The following HMGA2 variants were observed in gnomAD, a reference collection of about 807,000 sequenced individuals.
HMGA2 encodes the protein high mobility group protein HMGI-C.
In HMGA2, 8 loss-of-function variants were observed where a neutral mutation model predicts 19.1. The ratio of observed to expected loss-of-function variants is 0.42; its 90% CI spans 0.25 to 0.76. HMGA2 has a LOEUF of 0.76. HMGA2 is among the 30% of genes least tolerant of loss of function. The pLI is 0.28. For missense variants in HMGA2, 109 were observed against 136.3 expected, an observed-to-expected ratio of 0.80 and a Z score of 1.00; for synonymous variants, 60 against 48.8, an observed-to-expected ratio of 1.23 and a Z score of -0.96.
intron 2 of HMGA2, among the ~76,000 whole-genome samples, chr12:65,837,080 A>T (rs1870764559): frequency 6.6e-6 from 1 of 152,192 alleles, no homozygotes; most frequent in African/African-American, 2.4e-5. Flanking sequence ...TCATCTACAA[A>T]ATAAGAGGAA....
intron 3 of HMGA2, among the ~76,000 whole-genome samples, chr12:65,863,212 A>G (rs750627422): frequency 6.6e-6 from 1 of 152,244 alleles, no homozygotes; most frequent in Admixed American, 6.5e-5. Flanking sequence ...TGGAAAAGTT[A>G]AGGTTTTGTT....
intron 3 of HMGA2, among the ~76,000 whole-genome samples, chr12:65,886,365 T>TG (rs1172532620): frequency 7.5e-6 from 1 of 133,276 alleles, no homozygotes; most frequent in African/African-American, 2.8e-5. Context: ...TTTTCTCTCT[T>TG]TTTTTTTTTT....
intron 2 of HMGA2, among the ~76,000 whole-genome samples, 179 bp from the exon 3 acceptor site, chr12:65,838,340 C>G (rs1231652512): frequency 6.8e-6 from 1 of 147,880 alleles, no homozygotes; most frequent in Admixed American, 6.8e-5. Context: ...AGAATCTACT[C>G]AGAAATGTGG....
At position 65,924,081 on chromosome 12, in the gene HMGA2, C is replaced by A. The variant is rs565770543; in HGVS notation, c.250-27302C>A. ...GTCATTCTCTGACCCACCCCCAGCCCACCTTGGGAAGGATACTATTTAATA... is the reference window on the plus strand; with the variant it reads ...GTCATTCTCTGACCCACCCCCAGCCAACCTTGGGAAGGATACTATTTAATA... On this transcript the variant is annotated intron_variant, in intron 3 of 4. Coordinates refer to ENST00000403681, the MANE Select transcript of HMGA2 (RefSeq NM_003483.6). Among the ~76,000 whole-genome samples, 5 of 152,194 alleles carry A rather than the reference C, an allele frequency of 3.3e-5. No individual in the cohort carries two copies. The East Asian group carries it at 9.7e-4, about 29-fold the overall frequency.
At chr12:65,880,181 A>C (rs1411722502) in intron 3 of HMGA2, among the ~76,000 whole-genome samples, 1 of 152,372 alleles carries the variant, frequency 6.6e-6, no homozygotes, top group East Asian at 1.9e-4. Flanking sequence ...TATTAGAAGC[A>C]AAGCATTTTT....
intron 3 of HMGA2, among the ~76,000 whole-genome samples, chr12:65,938,634 G>A (rs1032116434): frequency 6.6e-6 from 1 of 151,974 alleles, no homozygotes; most frequent in African/African-American, 2.4e-5. Flanking sequence ...GTTTTCCCAT[G>A]ACAACGTTTT....
rs1306074485 is a variant in HMGA2 at position 65,825,664 on chromosome 12, C to G, written c.111+283C>G. Among the ~76,000 whole-genome samples the G allele has an allele frequency of 6.6e-6, 1 of 152,026 alleles. No homozygotes were observed. The highest frequency in any genetic ancestry group is 1.5e-5 in the Non-Finnish European group (1 of 67,988). ...GTCCTCGGACTTTCGCTATTGTGCACGGCCCCGAGTGGCGCGGTGTCGCCC... is the reference window on the plus strand; with the variant it reads ...GTCCTCGGACTTTCGCTATTGTGCAGGGCCCCGAGTGGCGCGGTGTCGCCC... On this transcript the variant is annotated intron_variant, in intron 1 of 4. Transcript: ENST00000403681. The surrounding 1 kb of genome is among the most constrained non-coding windows in gnomAD (Gnocchi z 4.4).
At chr12:65,914,573 G>T in intron 3 of HMGA2, 1 of 209,412 alleles carries the variant, frequency 4.8e-6, no homozygotes, top group Non-Finnish European at 9.7e-6. Flanking sequence ...CAGCGCACCA[G>T]CACGGCACAT....
intron 3 of HMGA2, among the ~76,000 whole-genome samples, chr12:65,921,518 A>G (rs762868922): frequency 4.6e-5 from 7 of 152,224 alleles, no homozygotes; most frequent in Non-Finnish European, 8.8e-5. Flanking sequence ...AAGTGCTGGG[A>G]TTACAGGCGT....
intron 3 of HMGA2, among the ~76,000 whole-genome samples, chr12:65,840,781 A>G (rs1870962771): frequency 6.6e-6 from 1 of 152,210 alleles, no homozygotes; most frequent in South Asian, 2.1e-4. Flanking sequence ...TAGAAAATAG[A>G]TGAGTTCTTT....
intron 3 of HMGA2, among the ~76,000 whole-genome samples, chr12:65,841,102 G>C (rs1870976622): frequency 6.6e-6 from 1 of 152,112 alleles, no homozygotes; most frequent in African/African-American, 2.4e-5. Flanking sequence ...TCCTTAAACA[G>C]TTGATGATTC....
At chr12:65,954,755 T>C (rs1006869077) in intron 4 of HMGA2, 7 of 151,872 alleles carry the variant, frequency 4.6e-5, no homozygotes, top group Non-Finnish European at 1.0e-4. Context: ...AATGGGAGAG[T>C]TAATAGTCTC....
rs59600555 is a variant in HMGA2 at position 65,935,585 on chromosome 12, A to G, written c.250-15798A>G. Among the ~76,000 whole-genome samples, 1,324 of 152,174 alleles carry G rather than the reference A, an allele frequency of 8.7e-3. 22 individuals carry two copies. Among genetic ancestry groups the G allele is most frequent in the African/African-American group, 0.03 (1,237 of 41,490 alleles). ...CTGTTATGATCTTGGAGAAAAGTGT[A>G]TCTGTCAACTCTTTAACAGCCTAAG... is the stretch of plus-strand genomic sequence containing the variant. On this transcript the variant is annotated intron_variant, in intron 3 of 4. Coordinates refer to ENST00000403681, the MANE Select transcript of HMGA2 (RefSeq NM_003483.6).
intron 3 of HMGA2, chr12:65,881,795 CTGGCCTTG>C: frequency 1.4e-6 from 1 of 703,098 alleles, no homozygotes; most frequent in Non-Finnish European, 2.6e-6. Flanking sequence ...GATCCCGGAA[CTGGCCTTG>C]CGCGCAAGTG....
chr12:65,849,363 C>T (rs1195574770), intron 3 of HMGA2, among the ~76,000 whole-genome samples: 1 of 152,164 alleles, frequency 6.6e-6, no homozygotes, highest in Non-Finnish European at 1.5e-5. Context: ...GAGAGATGGA[C>T]ATTCTTGGCA....
chr12:65,825,321 A>G lies in HMGA2; in HGVS notation c.51A>G (p.Gly17=), dbSNP rs1453109833. The G allele has an allele frequency of 3.3e-6, 5 of 1,538,336 alleles. No homozygotes were observed. The Admixed American group carries it at 9.8e-5, about 30-fold the overall frequency. The change falls in exon 1 of 5, where the codon GGA becomes GGG. Residue 17 remains glycine, a synonymous_variant. Transcript: ENST00000403681. The surrounding 1 kb of genome is among the most constrained non-coding windows in gnomAD (Gnocchi z 4.4). ...GAGQPSTSAQ[G]QPAAPAPQKR... is the part of the protein sequence containing the mutation. Reference sequence around the variant, plus strand: ...GGCAGCCGTCCACTTCAGCCCAGGGACAACCTGCCGCCCCAGCGCCTCAGA... The same window carrying G: ...GGCAGCCGTCCACTTCAGCCCAGGGGCAACCTGCCGCCCCAGCGCCTCAGA...
chr12:65,842,349 T>C (rs1565704406), intron 3 of HMGA2: 1 of 611,452 alleles, frequency 1.6e-6, no homozygotes, highest in Non-Finnish European at 2.9e-6. Context: ...CAGTAAATGT[T>C]GGAAATTATG....
At chr12:65,841,991 C>CTT (rs76443274) in intron 3 of HMGA2, 319 of 817,546 alleles carry the variant, frequency 3.9e-4, no homozygotes, top group South Asian at 5.6e-4. Flanking sequence ...TTCCCTTCAT[C>CTT]TTTTTTTTTT....
chr12:65,865,763 T>C (rs1872370905), intron 3 of HMGA2, among the ~76,000 whole-genome samples: 1 of 151,182 alleles, frequency 6.6e-6, no homozygotes, highest in Non-Finnish European at 1.5e-5. Flanking sequence ...GCCTCCCGAG[T>C]AGCTGGGACT....
Sources: gnomAD v4.1 joint callset for allele counts (sites outside exome capture counted in the v4.1 genomes callset) on GRCh38, gnomAD v4.1.1 for gene constraint, Gnocchi (gnomAD v3.1) non-coding constraint, MANE v1.5 for transcripts, NCBI Gene and HGNC (gene_info 2026-07-23, HGNC 2026-07-21) for gene names.